Variants in NGLY1 observed in about 807,000 individuals in gnomAD.
NGLY1 encodes the protein N-glycanase 1.
NGLY1 carries 68 observed loss-of-function variants against 84.6 expected under a neutral mutation model. The observed-to-expected ratio is 0.80, with a 90% CI of 0.66 to 0.98. NGLY1 has a LOEUF of 0.98. NGLY1 is among the 50% of genes least tolerant of loss of function. The pLI is 0.00. For synonymous variants in NGLY1, 280 were observed against 275.2 expected, an observed-to-expected ratio of 1.02 and a Z score of -0.17; for missense variants, 779 against 770.2, an observed-to-expected ratio of 1.01 and a Z score of -0.14.
chr3:25,761,960 C>G (rs1707340520), intron 3 of NGLY1, among the ~76,000 whole-genome samples: 1 of 152,134 alleles, frequency 6.6e-6, no homozygotes, highest in African/African-American at 2.4e-5. Context: ...AGATTACATA[C>G]TATAATTCTA....
intron 4 of NGLY1, among the ~76,000 whole-genome samples, chr3:25,740,795 A>C (rs1167930365): frequency 6.6e-6 from 1 of 152,188 alleles, no homozygotes; most frequent in Admixed American, 6.5e-5. Flanking sequence ...ATAATTTAAT[A>C]TAATCCCAAT....
chr3:25,783,179 C>T lies in NGLY1; in HGVS notation c.131+81G>A. 1 of 1,329,908 alleles carries T rather than the reference C, an allele frequency of 7.5e-7. No individual in the cohort carries two copies. The highest frequency in any genetic ancestry group is 1.1e-6 in the Non-Finnish European group (1 of 942,760). The allele number at this position is 1,329,908 out of a possible 1,614,324, so 82.4% of individuals were successfully genotyped here. On this transcript the variant is annotated intron_variant, in intron 1 of 11. Transcript: ENST00000280700. The surrounding 1 kb of genome is among the most constrained non-coding windows in gnomAD (Gnocchi z 4.5). ...CGTCGCTGCCCTCTGAAGCTCAGGC[C>T]GGACGCCCCAGTCCCTGGCCGAACA... is the stretch of plus-strand genomic sequence containing the variant.
At chr3:25,733,136 AT>A (rs1161581275) in intron 8 of NGLY1, among the ~76,000 whole-genome samples, 1 of 152,180 alleles carries the variant, frequency 6.6e-6, no homozygotes, top group African/African-American at 2.4e-5. Context: ...GATCTAGCAA[AT>A]AATCCAGGTT....
At chr3:25,724,443 G>A (rs1321365827) in intron 10 of NGLY1, among the ~76,000 whole-genome samples, 6 of 152,240 alleles carry the variant, frequency 3.9e-5, no homozygotes, top group South Asian at 4.1e-4. Context: ...GAATCCACTT[G>A]TAGTTCCCAC....
Position 25,741,712 on chromosome 3 carries a change from C to T in NGLY1, c.659-1913G>A, listed in dbSNP as rs117997568. Among the ~76,000 whole-genome samples, 219 of 152,154 alleles carry T rather than the reference C, an allele frequency of 1.4e-3. 4 individuals are homozygous for T. The East Asian group carries it at 0.015, about 10-fold the overall frequency. ...AACAAAGAAAAGATAAATTTCTGGA[C>T]GGGCACGGTGGCTCACGCCTATAAT... On this transcript the variant is annotated intron_variant, in intron 4 of 11. Coordinates refer to ENST00000280700, the MANE Select transcript of NGLY1 (RefSeq NM_018297.4).
At chr3:25,750,947 G>T in intron 4 of NGLY1, 151 bp downstream of exon 4, 1 of 721,554 alleles carries the variant, frequency 1.4e-6, no homozygotes. Flanking sequence ...TTTGCATCCT[G>T]TGAATCCACG....
intron 3 of NGLY1, among the ~76,000 whole-genome samples, chr3:25,762,766 C>A (rs1433866745): frequency 6.6e-6 from 1 of 151,912 alleles, no homozygotes; most frequent in African/African-American, 2.4e-5. Flanking sequence ...CAGCCTGGCA[C>A]ACATGGAGAA....
Position 25,739,737 on chromosome 3 carries a change from A to T in NGLY1, c.721T>A (p.Phe241Ile). Reference sequence around the variant, plus strand: ...AAAACGTTATTCACCCAGTGAAAAAATTCTTCCTTAAACCAGTGCAAAAGC... The same window carrying T: ...AAAACGTTATTCACCCAGTGAAAAATTTCTTCCTTAAACCAGTGCAAAAGC... ...LELLHWFKEE[F>I]FHWVNNVLCS... The change falls in exon 5 of 12, where the codon TTT (phenylalanine) becomes ATT (isoleucine). Residue 241 changes from phenylalanine to isoleucine, a missense_variant. By Grantham distance (21) the Phe-to-Ile change is conservative. Coordinates refer to ENST00000280700, the MANE Select transcript of NGLY1 (RefSeq NM_018297.4). The T allele has an allele frequency of 6.2e-7, 1 of 1,614,116 alleles. No homozygotes were observed. Among genetic ancestry groups the T allele is most frequent in the Non-Finnish European group, 8.5e-7 (1 of 1,180,004 alleles).
chr3:25,780,825 C>T (rs1708380266), intron 1 of NGLY1, among the ~76,000 whole-genome samples: 1 of 151,558 alleles, frequency 6.6e-6, no homozygotes, highest in South Asian at 2.1e-4. Flanking sequence ...ACTGTGTTGC[C>T]CCGGCTGCAA....
intron 7 of NGLY1, 69 bp from the exon 8 acceptor site, chr3:25,734,051 TAGA>T (rs144510174): frequency 0.022 from 34,131 of 1,571,846 alleles, 445 homozygotes; most frequent in Non-Finnish European, 0.025. Context: ...ACTAAATACC[TAGA>T]ATGTATGTAA....
intron 6 of NGLY1, 56 bp from the exon 7 acceptor site, chr3:25,736,205 C>T: frequency 1.3e-6 from 2 of 1,586,586 alleles, no homozygotes; most frequent in Non-Finnish European, 1.7e-6. Context: ...ATCAGAATGA[C>T]TTTCAATAAC....
At chr3:25,737,629 G>A (rs1438103337) in intron 5 of NGLY1, among the ~76,000 whole-genome samples, 174 bp from the exon 6 acceptor site, 2 of 149,742 alleles carry the variant, frequency 1.3e-5, no homozygotes, top group South Asian at 2.1e-4. Context: ...TGCAACCTCC[G>A]CCTCCCAGGT....
intron 4 of NGLY1, chr3:25,749,833 C>A: frequency 8.9e-7 from 1 of 1,118,990 alleles, no homozygotes; most frequent in Non-Finnish European, 1.3e-6. Flanking sequence ...TGGAAAGAGC[C>A]ACCCAGCTGG....
rs113285586 is a variant in NGLY1 at position 25,765,854 on chromosome 3, T to A, written c.247-1543A>T. ...CTCAAGCGATCTTCCATCCTCAGCC[T>A]CCCAGCAGCTAGGACTACAGGTGCA... On this transcript the variant is annotated intron_variant, in intron 2 of 11. Coordinates refer to ENST00000280700, the MANE Select transcript of NGLY1 (RefSeq NM_018297.4). 1.4e-3 allele frequency among the ~76,000 whole-genome samples: 216 copies of A among 151,968 alleles called. 2 individuals are homozygous for A. Among genetic ancestry groups the A allele is most frequent in the Non-Finnish European group, 2.5e-3 (167 of 67,980 alleles).
chr3:25,783,560 GGTCCTCGGCC>G, upstream of NGLY1: 1 of 321,574 alleles, frequency 3.1e-6, no homozygotes, highest in Non-Finnish European at 5.2e-6. This position sits in a 1 kb window ranked among gnomAD's most constrained non-coding sequence, Gnocchi z 4.5. Flanking sequence ...GCAGGGGCGG[GGTCCTCGGCC>G]GGCAGGGGCG....
Position 25,735,907 on chromosome 3 carries a change from C to T in NGLY1, c.1149+97G>A, listed in dbSNP as rs1027489692. On this transcript the variant is annotated intron_variant, in intron 7 of 11. Coordinates refer to ENST00000280700, the MANE Select transcript of NGLY1 (RefSeq NM_018297.4). ...TCAAACTGTACAATTTAAATATATGCAGGTTATTGTATGTTAATTATACAT... is the reference window on the plus strand; with the variant it reads ...TCAAACTGTACAATTTAAATATATGTAGGTTATTGTATGTTAATTATACAT... 9 of 1,017,066 alleles carry T rather than the reference C, an allele frequency of 8.8e-6. No individual in the cohort carries two copies. In the African/African-American group the frequency reaches 1.5e-4, roughly 17 times the overall value. 63.0% of individuals were successfully genotyped at this position (1,017,066 alleles called of 1,614,324 possible).
At chr3:25,738,346 G>A (rs1246284987) in intron 5 of NGLY1, among the ~76,000 whole-genome samples, 1 of 151,904 alleles carries the variant, frequency 6.6e-6, no homozygotes. Flanking sequence ...TGTTTTTTGG[G>A]ATCTATTTGT....
At chr3:25,725,638 G>A (rs1705213448) in intron 10 of NGLY1, among the ~76,000 whole-genome samples, 1 of 152,128 alleles carries the variant, frequency 6.6e-6, no homozygotes, top group South Asian at 2.1e-4. Context: ...GATTGGATTA[G>A]AGGTCACTCA....
chr3:25,758,652 G>T (rs1468211218), intron 3 of NGLY1, among the ~76,000 whole-genome samples: 6 of 152,120 alleles, frequency 3.9e-5, no homozygotes, highest in African/African-American at 1.2e-4. Context: ...GTCTTATAAT[G>T]TGAACAGTAT....
Sources: allele counts gnomAD v4.1 joint callset (sites outside exome capture counted in the v4.1 genomes callset), GRCh38; gene constraint gnomAD v4.1.1; non-coding constraint Gnocchi (gnomAD v3.1); transcripts MANE v1.5; gene names NCBI Gene and HGNC (gene_info 2026-07-23, HGNC 2026-07-21).